The following RETSAT variants were observed in gnomAD, a reference collection of about 807,000 sequenced individuals.
RETSAT encodes the protein all-trans-retinol 13,14-reductase.
A neutral mutation model predicts 61.6 loss-of-function variants in RETSAT; 35 were observed. The ratio of observed to expected loss-of-function variants is 0.57; its 90% CI spans 0.43 to 0.75. RETSAT has a LOEUF of 0.75. Among genes scored for constraint, RETSAT ranks in the 30% least tolerant of loss-of-function variants. The pLI, the probability that RETSAT is intolerant of heterozygous loss-of-function variation, is 0.00. For missense variants in RETSAT, 670 were observed against 759.5 expected (o/e 0.88, Z 1.38); for synonymous variants, 277 against 310.4 (o/e 0.89, Z 1.13).
chr2:85,346,929 T>C (rs1683212737), intron 5 of RETSAT, among the ~76,000 whole-genome samples: 3 of 152,166 alleles, frequency 2.0e-5, no homozygotes, highest in Non-Finnish European at 2.9e-5. Context: ...ACTAAACTAT[T>C]AGGCAGAACC....
At chr2:85,352,266 C>T (rs62162714) in intron 1 of RETSAT, among the ~76,000 whole-genome samples, 11,391 of 151,670 alleles carry the variant, frequency 0.075, 586 homozygotes, top group Non-Finnish European at 0.12. Flanking sequence ...TTTTTTAAGA[C>T]GGAGTCTCAC....
chr2:85,342,128 G>A lies in RETSAT; in HGVS notation c.*1114C>T. The A allele has an allele frequency of 3.4e-6, 1 of 294,064 alleles. No individual in the cohort carries two copies. Among genetic ancestry groups the A allele is most frequent in the Non-Finnish European group, 6.3e-6 (1 of 158,310 alleles). The allele number at this position is 294,064 out of a possible 1,614,324, so 18.2% of individuals were successfully genotyped here. Reference sequence around the variant, plus strand: ...CAATGGAATCAATAAATTTATTAATGTTACATTAACACGAACTACAAAGAG... The same window carrying A: ...CAATGGAATCAATAAATTTATTAATATTACATTAACACGAACTACAAAGAG... On this transcript the variant is annotated 3_prime_UTR_variant, in exon 11 of 11. Coordinates refer to ENST00000295802, the MANE Select transcript of RETSAT (RefSeq NM_017750.4).
Position 85,343,181 on chromosome 2 carries a change from G to T in RETSAT, c.*61C>A. On this transcript the variant is annotated 3_prime_UTR_variant, in exon 11 of 11. Coordinates refer to ENST00000295802, the MANE Select transcript of RETSAT (RefSeq NM_017750.4). ...GGAACTAATGCAGAAAGACATTATG[G>T]GTAAGTCAAGGGAGATGCCCCAGCC... The T allele has an allele frequency of 6.3e-7, 1 of 1,593,416 alleles. No homozygotes were observed. Among genetic ancestry groups the T allele is most frequent in the Non-Finnish European group, 8.6e-7 (1 of 1,165,758 alleles).
In RETSAT at chr2:85,344,742, G is replaced by T; in HGVS notation, c.1118-10C>A. On this transcript the variant is annotated splice_polypyrimidine_tract_variant and intron_variant, in intron 6 of 10. Transcript: ENST00000295802. ...AGTTGCTGCTTCACACCTGCCAGGG[G>T]GAGTGGTTGGTGCCTGTGTGGACCA... is the stretch of plus-strand genomic sequence containing the variant. 6.2e-7 allele frequency: 1 copy of T among 1,613,674 alleles called. No individual in the cohort carries two copies. The highest frequency in any genetic ancestry group is 8.5e-7 in the Non-Finnish European group (1 of 1,179,740).
rs1558683368 is a variant in RETSAT, at chr2:85,349,595, G to T, written c.800-14C>A. 6.2e-7 allele frequency: 1 copy of T among 1,612,466 alleles called. No homozygotes were observed. Among genetic ancestry groups the T allele is most frequent in the Non-Finnish European group, 8.5e-7 (1 of 1,178,662 alleles). ...TGGGGGTGACACCTGCAGAAGCAAGGAAGGGTGGTGAGCTGGCAAGAGAAG... is the reference window on the plus strand; with the variant it reads ...TGGGGGTGACACCTGCAGAAGCAAGTAAGGGTGGTGAGCTGGCAAGAGAAG... On this transcript the variant is annotated splice_polypyrimidine_tract_variant and intron_variant, in intron 4 of 10. Transcript: ENST00000295802.
In RETSAT at chr2:85,349,432, T is replaced by C; in HGVS notation, c.949A>G (p.Lys317Glu). Residue 317 changes from lysine (K) to glutamate (E), a missense_variant, in exon 5 of 11, where the codon AAG (lysine) becomes GAG (glutamate). By Grantham distance (56) the Lys-to-Glu change is moderately conservative. Transcript: ENST00000295802. Reference sequence around the variant, plus strand: ...AGCAACACACTCTGCACAGTGGCCTTTGTGAGGACAGCGCCCCCAGCCCGC... The same window carrying C: ...AGCAACACACTCTGCACAGTGGCCTCTGTGAGGACAGCGCCCCCAGCCCGC... ...IQRAGGAVLT[K>E]ATVQSVLLDS... 1 of 1,614,120 alleles carries C rather than the reference T, an allele frequency of 6.2e-7. No homozygotes were observed. The highest frequency in any genetic ancestry group is 8.5e-7 in the Non-Finnish European group (1 of 1,180,010).
chr2:85,351,986 A>C (rs1380361158), intron 1 of RETSAT, 124 bp from the exon 2 acceptor site: 1 of 823,860 alleles, frequency 1.2e-6, no homozygotes, highest in Admixed American at 2.9e-5. Context: ...GGTTTGGCAC[A>C]GAACTCTTGA....
At chr2:85,349,969 G>C (rs1683269943) in intron 4 of RETSAT, 71 bp downstream of exon 4, 1 of 1,460,222 alleles carries the variant, frequency 6.8e-7, no homozygotes, top group Admixed American at 1.7e-5. Flanking sequence ...GGGTCGAGAA[G>C]AAAGATTGAG....
intron 6 of RETSAT, among the ~76,000 whole-genome samples, chr2:85,345,308 C>T (rs1683175425): frequency 6.6e-6 from 1 of 152,192 alleles, no homozygotes; most frequent in Non-Finnish European, 1.5e-5. Flanking sequence ...CAGGACCTCG[C>T]TTTACCCCCC....
rs568527003 is a variant in RETSAT, at chr2:85,351,951, G to A, written c.173-89C>T. ...AAACCAAAGAAGACTTCTCTAGCTT[G>A]TACAGTGCAAGAAACCTCTAGAGTG... On this transcript the variant is annotated intron_variant, in intron 1 of 10. Coordinates refer to ENST00000295802, the MANE Select transcript of RETSAT (RefSeq NM_017750.4). 69 of 1,271,670 alleles carry A rather than the reference G, an allele frequency of 5.4e-5. No individual in the cohort carries two copies. In the South Asian group the frequency reaches 9.3e-4, roughly 17 times the overall value. The allele number at this position is 1,271,670 out of a possible 1,614,324, so 78.8% of individuals were successfully genotyped here. A position where few individuals can be genotyped will look rare whatever the true frequency, so the allele number is the denominator to read the frequency against.
rs1276653054 is a variant in RETSAT, at chr2:85,342,971, G to C, written c.*271C>G. On this transcript the variant is annotated 3_prime_UTR_variant, in exon 11 of 11. Transcript: ENST00000295802. ...GGGTGAGGGATGCAGAGCGCCGCTC[G>C]TCATGAGACATCAAGCTATCCAAGT... 5.7e-6 allele frequency: 2 copies of C among 351,458 alleles called. No individual in the cohort carries two copies. The highest frequency in any genetic ancestry group is 1.1e-5 in the Non-Finnish European group (2 of 186,052). The allele number at this position is 351,458 out of a possible 1,614,324, so 21.8% of individuals were successfully genotyped here. A position where few individuals can be genotyped will look rare whatever the true frequency, so the allele number is the denominator to read the frequency against.
chr2:85,347,693 T>G (rs1683225261), intron 5 of RETSAT, among the ~76,000 whole-genome samples: 1 of 152,220 alleles, frequency 6.6e-6, no homozygotes, highest in African/African-American at 2.4e-5. Flanking sequence ...TTTTATTACC[T>G]AGCACTTGAA....
chr2:85,347,074 C>T (rs183051523), intron 5 of RETSAT, among the ~76,000 whole-genome samples: 23 of 152,170 alleles, frequency 1.5e-4, no homozygotes, highest in Admixed American at 1.5e-3. Flanking sequence ...TGCTGCTTCC[C>T]ATTCCTGGAA....
chr2:85,342,313 G>T lies in RETSAT; in HGVS notation c.*929C>A. The T allele has an allele frequency of 5.9e-6, 1 of 170,502 alleles. No individual in the cohort carries two copies. Among genetic ancestry groups the T allele is most frequent in the Non-Finnish European group, 1.3e-5 (1 of 79,422 alleles). The allele number at this position is 170,502 out of a possible 1,614,324, so 10.6% of individuals were successfully genotyped here. A position where few individuals can be genotyped will look rare whatever the true frequency, so the allele number is the denominator to read the frequency against. ...TCCGTGGCTTTCCCTTTTCTGATGTGACTTCCCTCCCTTACCCCACACCTC... is the reference window on the plus strand; with the variant it reads ...TCCGTGGCTTTCCCTTTTCTGATGTTACTTCCCTCCCTTACCCCACACCTC... On this transcript the variant is annotated 3_prime_UTR_variant, in exon 11 of 11. Transcript: ENST00000295802.
At chr2:85,349,717 C>T (rs1683267293) in intron 4 of RETSAT, 136 bp from the exon 5 acceptor site, 2 of 766,296 alleles carry the variant, frequency 2.6e-6, no homozygotes, top group Admixed American at 2.3e-5. Context: ...TCCAAGGCAG[C>T]CAGAGGAGCC....
intron 5 of RETSAT, among the ~76,000 whole-genome samples, chr2:85,347,696 C>G (rs1244496656): frequency 6.6e-6 from 1 of 152,224 alleles, no homozygotes; most frequent in Non-Finnish European, 1.5e-5. Context: ...TATTACCTAG[C>G]ACTTGAAAAA....
Position 85,354,392 on chromosome 2 carries a change from C to A in RETSAT, c.116G>T (p.Arg39Leu), listed in dbSNP as rs770018016. 1 of 1,614,184 alleles carries A rather than the reference C, an allele frequency of 6.2e-7. No homozygotes were observed. Among genetic ancestry groups the A allele is most frequent in the South Asian group, 1.1e-5 (1 of 91,084 alleles). The part of the protein sequence containing the change: ...SPNPFSEDVK[R>L]PPAPLVTDKE... Reference sequence around the variant, plus strand: ...GTCAGTTACCAGGGGCGCTGGGGGCCGTTTGACATCTTCGGAGAAAGGATT... The same window carrying A: ...GTCAGTTACCAGGGGCGCTGGGGGCAGTTTGACATCTTCGGAGAAAGGATT... The change falls in exon 1 of 11, where the codon CGG (arginine) becomes CTG (leucine). Residue 39 changes from arginine to leucine, a missense_variant. Physicochemically the swap from Arg to Leu is moderately radical, Grantham distance 102. Transcript: ENST00000295802.
chr2:85,351,157 G>A (rs1442748534), intron 2 of RETSAT, 136 bp from the exon 3 acceptor site: 11 of 1,021,310 alleles, frequency 1.1e-5, no homozygotes, highest in African/African-American at 4.8e-5. Flanking sequence ...CACTCTGTCT[G>A]TAGGGAGGTG....
chr2:85,345,023 G>A (rs772689531), intron 6 of RETSAT, among the ~76,000 whole-genome samples: 9 of 152,190 alleles, frequency 5.9e-5, no homozygotes, highest in Non-Finnish European at 8.8e-5. Context: ...CAGAGGTCCT[G>A]GGACAGGGGA....
Sources: gnomAD v4.1 joint callset for allele counts (sites outside exome capture counted in the v4.1 genomes callset) on GRCh38, gnomAD v4.1.1 for gene constraint, MANE v1.5 for transcripts, NCBI Gene and HGNC (gene_info 2026-07-23, HGNC 2026-07-21) for gene names.